DENND2A: variants seen among roughly 807,000 people sequenced by gnomAD.
DENND2A encodes the protein DENN domain containing 2A, also known as DENN domain-containing protein 2A.
In DENND2A, 53 loss-of-function variants were observed where a neutral mutation model predicts 105.3. That is an observed-to-expected ratio of 0.50 (90% CI 0.40 to 0.63). The LOEUF (loss-of-function observed/expected upper bound fraction) is 0.63. DENND2A is among the 30% of genes least tolerant of loss of function. The pLI, the probability that DENND2A is intolerant of heterozygous loss-of-function variation, is 0.00. For missense variants in DENND2A, 1,138 were observed against 1,279.6 expected, an observed-to-expected ratio of 0.89 and a Z score of 1.69; for synonymous variants, 522 against 508.4, an observed-to-expected ratio of 1.03 and a Z score of -0.36.
chr7:140,561,498 C>CTTTTTTT (rs536896244), intron 9 of DENND2A, among the ~76,000 whole-genome samples: 28 of 102,504 alleles, frequency 2.7e-4, no homozygotes, highest in Non-Finnish European at 3.1e-4. Context: ...TTTCTGTTGT[C>CTTTTTTT]TTTTTTTTTT....
intron 14 of DENND2A, among the ~76,000 whole-genome samples, chr7:140,542,033 C>A (rs1796682085): frequency 6.6e-6 from 1 of 152,044 alleles, no homozygotes; most frequent in African/African-American, 2.4e-5. Flanking sequence ...ATTTCCTCTC[C>A]AAACCACAGT....
intron 14 of DENND2A, among the ~76,000 whole-genome samples, chr7:140,531,157 T>C (rs749234045): frequency 2.6e-5 from 4 of 152,266 alleles, no homozygotes; most frequent in Non-Finnish European, 4.4e-5. Context: ...CCTCACCATT[T>C]ATGTTTTAGT....
At chr7:140,613,831 C>T (rs965426478) in intron 1 of DENND2A, among the ~76,000 whole-genome samples, 2 of 152,154 alleles carry the variant, frequency 1.3e-5, no homozygotes, top group African/African-American at 4.8e-5. Context: ...TGTAATTTCA[C>T]ATGCTAACTT....
At chr7:140,630,668 A>C (rs1800704941) in intron 1 of DENND2A, among the ~76,000 whole-genome samples, 1 of 152,116 alleles carries the variant, frequency 6.6e-6, no homozygotes, top group African/African-American at 2.4e-5. Context: ...AACACGGTGA[A>C]AGCCTGTTTC....
chr7:140,546,173 A>G (rs1796894655), intron 13 of DENND2A, among the ~76,000 whole-genome samples: 1 of 152,006 alleles, frequency 6.6e-6, no homozygotes, highest in Admixed American at 6.6e-5. Flanking sequence ...TAATCCTAGC[A>G]CTTTGGGAGG....
intron 1 of DENND2A, among the ~76,000 whole-genome samples, chr7:140,633,154 G>A (rs1481360643): frequency 6.6e-6 from 1 of 151,760 alleles, no homozygotes; most frequent in Admixed American, 6.6e-5. Context: ...TCAGCCTCCT[G>A]AGTAGCTGGG....
chr7:140,638,550 C>T (rs1001435189), intron 1 of DENND2A, among the ~76,000 whole-genome samples: 7 of 152,210 alleles, frequency 4.6e-5, no homozygotes, highest in African/African-American at 1.7e-4. Context: ...CGCATCACTC[C>T]TGCTTCAGTG....
intron 1 of DENND2A, among the ~76,000 whole-genome samples, chr7:140,620,112 C>T (rs892156304): frequency 6.6e-6 from 1 of 151,842 alleles, no homozygotes; most frequent in Non-Finnish European, 1.5e-5. Flanking sequence ...AGGAGAATCG[C>T]TTGAACCCAG....
Position 140,577,892 on chromosome 7 carries a change from C to A in DENND2A, c.1246-3884G>T, listed in dbSNP as rs1798373144. Among the ~76,000 whole-genome samples, 3 of 152,168 alleles carry A rather than the reference C, an allele frequency of 2.0e-5. No individual in the cohort carries two copies. In the South Asian group the frequency reaches 6.2e-4, roughly 32 times the overall value. ...CAGCAGTTGCTTGTCACACCCAGAA[C>A]TATGGCATAAAAGGGAAGTCACTCT... On this transcript the variant is annotated intron_variant, in intron 5 of 19. Coordinates refer to ENST00000496613, the MANE Select transcript of DENND2A (RefSeq NM_015689.5).
At chr7:140,614,746 A>G (rs1563179425) in intron 1 of DENND2A, among the ~76,000 whole-genome samples, 1 of 152,206 alleles carries the variant, frequency 6.6e-6, no homozygotes, top group Non-Finnish European at 1.5e-5. Flanking sequence ...TTTGTTTCCA[A>G]AAACAACTTG....
At chr7:140,524,924 C>T (rs1329114075) in intron 16 of DENND2A, among the ~76,000 whole-genome samples, 4 of 144,876 alleles carry the variant, frequency 2.8e-5, no homozygotes, top group Non-Finnish European at 6.0e-5. Flanking sequence ...CTCGCTCTGT[C>T]GCCCAGGTTG....
chr7:140,564,298 T>TAC lies in DENND2A; in HGVS notation c.1779+2786_1779+2787dup, dbSNP rs375771552. Among the ~76,000 whole-genome samples, 468 of 141,228 alleles carry TAC rather than the reference T, an allele frequency of 3.3e-3. 3 individuals carry two copies. Among genetic ancestry groups the TAC allele is most frequent in the Non-Finnish European group, 5.6e-3 (370 of 65,650 alleles). The allele number at this position is 141,228 out of a possible 152,430, so 92.7% of individuals were successfully genotyped here. Reference sequence around the variant, plus strand: ...ACTGTGTCAAAAAAAAAAAAAAAAATACACACACACACACAGAAACACTGG... The same window carrying TAC: ...ACTGTGTCAAAAAAAAAAAAAAAAATACACACACACACACACAGAAACACTGG... On this transcript the variant is annotated intron_variant, in intron 9 of 19. Transcript: ENST00000496613.
At chr7:140,555,358 C>T (rs968628264) in intron 12 of DENND2A, among the ~76,000 whole-genome samples, 1 of 151,836 alleles carries the variant, frequency 6.6e-6, no homozygotes, top group Admixed American at 6.6e-5. Flanking sequence ...AGGCTTGTCT[C>T]GAACTCCTGA....
intron 1 of DENND2A, among the ~76,000 whole-genome samples, chr7:140,619,581 C>A (rs1202378095): frequency 6.6e-6 from 1 of 152,020 alleles, no homozygotes; most frequent in East Asian, 1.9e-4. Flanking sequence ...CTCACTGCAA[C>A]CTCCGCCTCC....
At chr7:140,583,193 C>A (rs1052756577) in intron 5 of DENND2A, among the ~76,000 whole-genome samples, 3 of 152,018 alleles carry the variant, frequency 2.0e-5, no homozygotes, top group African/African-American at 7.3e-5. Flanking sequence ...GCTGTAGTCC[C>A]AGCTACCTGG....
intron 10 of DENND2A, 59 bp from the exon 11 acceptor site, chr7:140,558,271 C>T: frequency 7.2e-7 from 1 of 1,398,126 alleles, no homozygotes; most frequent in Non-Finnish European, 1.0e-6. Context: ...GACACCTCAT[C>T]ACTCTGCAGC....
chr7:140,558,621 A>G (rs1028277343), intron 10 of DENND2A, among the ~76,000 whole-genome samples: 1 of 149,952 alleles, frequency 6.7e-6, no homozygotes, highest in Admixed American at 6.7e-5. Context: ...GCTTGAACCT[A>G]GGAGGCAGAG....
chr7:140,630,809 C>T (rs1770784729), intron 1 of DENND2A, among the ~76,000 whole-genome samples: 1 of 152,118 alleles, frequency 6.6e-6, no homozygotes, highest in South Asian at 2.1e-4. Flanking sequence ...TGCAGTTAGC[C>T]AGGATCATGC....
chr7:140,532,339 T>C (rs1455936800), intron 14 of DENND2A, among the ~76,000 whole-genome samples: 1 of 152,192 alleles, frequency 6.6e-6, no homozygotes, highest in African/African-American at 2.4e-5. Flanking sequence ...AGTCTCTTTT[T>C]ATAGCACGTT....
Sources: allele counts gnomAD v4.1 joint callset (sites outside exome capture counted in the v4.1 genomes callset), GRCh38; gene constraint gnomAD v4.1.1; transcripts MANE v1.5; gene names NCBI Gene and HGNC (gene_info 2026-07-23, HGNC 2026-07-21).